Variants in CEACAM21 observed in about 807,000 individuals in gnomAD.
CEACAM21 encodes cell adhesion molecule CEACAM21.
In CEACAM21, 38 loss-of-function variants were observed where a neutral mutation model predicts 33.2. The observed-to-expected ratio is 1.14, with a 90% CI of 0.88 to 1.50. The LOEUF (loss-of-function observed/expected upper bound fraction) is 1.50. Ranked by LOEUF, CEACAM21 falls within the 40% of genes most tolerant of loss-of-function variation. The probability of loss-of-function intolerance (pLI) is 0.00; values close to 1 mark genes in which losing one functional copy is unlikely to be tolerated. For synonymous variants in CEACAM21, 156 were observed against 143.0 expected (o/e 1.09, Z -0.65); for missense variants, 385 against 364.6 (o/e 1.06, Z -0.46).
chr19:41,584,299 C>A (rs1555794328), intron 3 of CEACAM21, 48 bp from the exon 4 acceptor site: 6 of 1,520,694 alleles, frequency 3.9e-6, no homozygotes, highest in Non-Finnish European at 5.4e-6. Context: ...CCTCATGGTT[C>A]CCCCTGGAAC....
intron 2 of CEACAM21, among the ~76,000 whole-genome samples, chr19:41,569,679 C>T (rs149929371): frequency 6.6e-6 from 1 of 152,232 alleles, no homozygotes; most frequent in African/African-American, 2.4e-5. Flanking sequence ...CTGATGGAGC[C>T]TCCCATGCCT....
intron 1 of CEACAM21, chr19:41,555,485 C>G (rs1475976131): frequency 6.6e-6 from 1 of 151,878 alleles, no homozygotes; most frequent in Non-Finnish European, 1.5e-5. Flanking sequence ...GACCTCTGAT[C>G]TCACAGAAGC....
intron 1 of CEACAM21, among the ~76,000 whole-genome samples, chr19:41,555,764 A>G (rs991021834): frequency 6.7e-6 from 1 of 149,266 alleles, no homozygotes; most frequent in Non-Finnish European, 1.5e-5. Flanking sequence ...AATCATATTC[A>G]TTGGTGGTGT....
intron 3 of CEACAM21, among the ~76,000 whole-genome samples, chr19:41,580,727 C>T (rs1321100418): frequency 3.3e-5 from 5 of 152,194 alleles, no homozygotes; most frequent in African/African-American, 1.2e-4. Context: ...GCTCTTCAAA[C>T]CCAGTCCTTT....
intron 2 of CEACAM21, among the ~76,000 whole-genome samples, chr19:41,569,344 A>G (rs2042456340): frequency 6.6e-6 from 1 of 152,054 alleles, no homozygotes; most frequent in Admixed American, 6.5e-5. Context: ...CTCCTGAGTG[A>G]CTGGGACTAC....
intron 1 of CEACAM21, chr19:41,551,482 T>A (rs1268979787): frequency 6.6e-6 from 1 of 150,908 alleles, no homozygotes; most frequent in Non-Finnish European, 1.5e-5. Flanking sequence ...GGTGATTTGC[T>A]ACACATGTTG....
At chr19:41,562,829 C>T (rs183369027) in intron 1 of CEACAM21, among the ~76,000 whole-genome samples, 26 of 152,058 alleles carry the variant, frequency 1.7e-4, no homozygotes, top group African/African-American at 6.0e-4. Context: ...CCCGGGTTCA[C>T]GCCGTTCTCC....
intron 3 of CEACAM21, among the ~76,000 whole-genome samples, chr19:41,583,987 A>G (rs2070514511): frequency 6.6e-6 from 1 of 152,168 alleles, no homozygotes; most frequent in Admixed American, 6.5e-5. Context: ...CCTGCTCATC[A>G]GCATTGAGTT....
chr19:41,578,647 C>T (rs962328603), intron 2 of CEACAM21, among the ~76,000 whole-genome samples: 11 of 152,140 alleles, frequency 7.2e-5, no homozygotes, highest in African/African-American at 1.9e-4. Flanking sequence ...TGAGGAATGA[C>T]GGGCAAATGG....
At chr19:41,586,340 A>G in intron 6 of CEACAM21, 124 bp from the exon 7 acceptor site, 1 of 600,068 alleles carries the variant, frequency 1.7e-6, no homozygotes, top group Non-Finnish European at 3.2e-6. Context: ...GGGGCCTGGG[A>G]GCAGGAACCC....
chr19:41,586,006 A>G (rs2070709633), intron 6 of CEACAM21, 135 bp downstream of exon 6: 2 of 905,292 alleles, frequency 2.2e-6, no homozygotes, highest in Middle Eastern at 2.2e-4. Flanking sequence ...TGCCCTGGCC[A>G]TGAGCTGGGC....
chr19:41,563,012 G>A (rs1474811378), intron 1 of CEACAM21, among the ~76,000 whole-genome samples: 2 of 152,222 alleles, frequency 1.3e-5, no homozygotes, highest in African/African-American at 4.8e-5. Context: ...ACAGGTGTCA[G>A]CCACTGCGCC....
intron 1 of CEACAM21, among the ~76,000 whole-genome samples, chr19:41,564,208 C>T (rs1173897059): frequency 6.6e-6 from 1 of 152,088 alleles, no homozygotes; most frequent in Non-Finnish European, 1.5e-5. Context: ...CACAAGCCAG[C>T]TAGCCCTGTG....
intron 3 of CEACAM21, 112 bp from the exon 4 acceptor site, chr19:41,584,235 T>C: frequency 1.1e-6 from 1 of 879,140 alleles, no homozygotes; most frequent in East Asian, 2.6e-5. Context: ...CAGACCACAC[T>C]CAGGCTCCAT....
intron 1 of CEACAM21, among the ~76,000 whole-genome samples, chr19:41,558,491 C>A (rs2041675496): frequency 6.6e-6 from 1 of 152,004 alleles, no homozygotes; most frequent in Non-Finnish European, 1.5e-5. Flanking sequence ...ACTAAAAATA[C>A]AAAATATTAG....
chr19:41,561,947 A>G (rs1427803635), intron 1 of CEACAM21, among the ~76,000 whole-genome samples: 2 of 152,214 alleles, frequency 1.3e-5, no homozygotes, highest in African/African-American at 2.4e-5. Flanking sequence ...AGTAACATCT[A>G]CTTAAGAAAG....
chr19:41,577,249 TGCATCA>T lies in CEACAM21; in HGVS notation c.117_122del (p.Ser40_Ala41del). On this transcript the variant is annotated inframe_deletion, in exon 2 of 7. Transcript: ENST00000401445. Reference sequence around the variant, plus strand: ...CACCCACCACTGCCTGGCTCTTTATTGCATCAGCGCCCTTTGAAGTTGCTGAAGGGG... The same window carrying T: ...CACCCACCACTGCCTGGCTCTTTATTGCGCCCTTTGAAGTTGCTGAAGGGG... The T allele has an allele frequency of 6.2e-7, 1 of 1,614,152 alleles. No individual in the cohort carries two copies. Among genetic ancestry groups the T allele is most frequent in the Non-Finnish European group, 8.5e-7 (1 of 1,180,006 alleles).
intron 1 of CEACAM21, among the ~76,000 whole-genome samples, chr19:41,562,420 A>G (rs1334922256): frequency 2.6e-5 from 4 of 152,174 alleles, no homozygotes; most frequent in African/African-American, 9.7e-5. Context: ...GAAGGAAAAG[A>G]CACACGACAC....
chr19:41,558,661 CA>C (rs1210929471), intron 1 of CEACAM21, among the ~76,000 whole-genome samples: 5 of 150,288 alleles, frequency 3.3e-5, no homozygotes, highest in African/African-American at 1.2e-4. Flanking sequence ...ACAACAACAA[CA>C]AAAAAAAACC....
Sources: gnomAD v4.1 joint callset for allele counts (sites outside exome capture counted in the v4.1 genomes callset) on GRCh38, gnomAD v4.1.1 for gene constraint, MANE v1.5 for transcripts, NCBI Gene and HGNC (gene_info 2026-07-23, HGNC 2026-07-21) for gene names.